COG2: variants seen among roughly 807,000 people sequenced by gnomAD.
COG2 encodes the protein component of oligomeric golgi complex 2, also known as conserved oligomeric Golgi complex subunit 2.
Under a neutral mutation model 90.6 loss-of-function variants are expected in COG2, and 52 were observed. The ratio of observed to expected loss-of-function variants is 0.57; its 90% confidence interval spans 0.46 to 0.72. COG2 has a LOEUF of 0.72. COG2 is among the 30% of genes least tolerant of loss of function. The pLI is 0.00. For missense variants in COG2, 829 were observed against 891.2 expected (o/e 0.93, Z 0.89); for synonymous variants, 337 against 320.4 (o/e 1.05, Z -0.55).
intron 8 of COG2, among the ~76,000 whole-genome samples, chr1:230,673,936 T>C (rs892290728): frequency 6.6e-6 from 1 of 152,246 alleles, no homozygotes; most frequent in Non-Finnish European, 1.5e-5. Context: ...ACCAGAATGT[T>C]AAGTCCCGTT....
chr1:230,648,066 A>G (rs1661833615), intron 1 of COG2, among the ~76,000 whole-genome samples: 2 of 152,232 alleles, frequency 1.3e-5, no homozygotes, highest in East Asian at 3.9e-4. Flanking sequence ...TAATCGTGTC[A>G]TGCTTTCCTT....
At chr1:230,671,743 T>A in intron 8 of COG2, 103 bp downstream of exon 8, 1 of 1,039,032 alleles carries the variant, frequency 9.6e-7, no homozygotes, top group Non-Finnish European at 1.4e-6. Flanking sequence ...TGAACTGTCT[T>A]GTATGAATCC....
rs563943494 is a variant in COG2, at chr1:230,691,641, C to T, written c.2115+77C>T. ...AGCCGGGCAGTTACTTGGTGGCTCGCGTGATCCCAGAGATGCTGTCGCAGT... is the reference window on the plus strand; with the variant it reads ...AGCCGGGCAGTTACTTGGTGGCTCGTGTGATCCCAGAGATGCTGTCGCAGT... On this transcript the variant is annotated intron_variant, in intron 17 of 17. Coordinates refer to ENST00000366669, the MANE Select transcript of COG2 (RefSeq NM_007357.3). 690 of 1,356,388 alleles carry T rather than the reference C, an allele frequency of 5.1e-4. 15 individuals carry two copies. The South Asian group carries it at 8.4e-3, about 16-fold the overall frequency. 84.0% of individuals were successfully genotyped at this position (1,356,388 alleles called of 1,614,324 possible).
intron 1 of COG2, among the ~76,000 whole-genome samples, chr1:230,658,984 C>T (rs565370404): frequency 1.9e-4 from 29 of 152,130 alleles, no homozygotes; most frequent in South Asian, 4.2e-4. Flanking sequence ...CATAGAAAAA[C>T]ATCTGGAAGG....
intron 1 of COG2, among the ~76,000 whole-genome samples, chr1:230,652,993 C>G (rs1273333244): frequency 6.6e-6 from 1 of 151,974 alleles, no homozygotes; most frequent in African/African-American, 2.4e-5. Context: ...TAGTTAACCC[C>G]CTCTTTTTAT....
intron 6 of COG2, 113 bp downstream of exon 6, chr1:230,668,897 T>G (rs1662382247): frequency 1.5e-6 from 1 of 678,368 alleles, no homozygotes; most frequent in Admixed American, 3.0e-5. Flanking sequence ...CCTTGCATTT[T>G]TTTTCAATTT....
intron 11 of COG2, 100 bp downstream of exon 11, chr1:230,683,735 T>TG (rs1662813199): frequency 2.6e-6 from 2 of 784,064 alleles, no homozygotes; most frequent in East Asian, 2.6e-5. Context: ...CTTTTACTGT[T>TG]TTTTTTTTTT....
Position 230,683,629 on chromosome 1 carries a change from G to A in COG2, c.1222G>A (p.Ala408Thr), listed in dbSNP as rs1386921400. ...AGCACTTACAGATGTCCTGGAAGAT[G>A]CCCCAGGTAACTCCCTTAAAGTGAT... ...EAALTDVLED[A>T]PAESPYCLLA... Residue 408 changes from alanine to threonine, a missense_variant, in exon 11 of 18, where the codon GCC (alanine) becomes ACC (threonine). Coordinates refer to ENST00000366669, the MANE Select transcript of COG2 (RefSeq NM_007357.3). The A allele has an allele frequency of 1.1e-5, 17 of 1,608,372 alleles. No individual in the cohort carries two copies. The highest frequency in any genetic ancestry group is 1.4e-5 in the Non-Finnish European group (16 of 1,175,146).
intron 9 of COG2, among the ~76,000 whole-genome samples, chr1:230,676,273 CT>C (rs1558276065): frequency 6.6e-6 from 1 of 152,052 alleles, no homozygotes; most frequent in Non-Finnish European, 1.5e-5. Flanking sequence ...TTCTTCCTCC[CT>C]TCTTTTTTCA....
At position 230,669,369 on chromosome 1, in the gene COG2, T is replaced by G; in HGVS notation, c.608T>G (p.Ile203Ser). The change falls in exon 7 of 18, where the codon ATT becomes AGT. Residue 203 changes from isoleucine to serine, a missense_variant. Transcript: ENST00000366669. ...LDKVRPRIAG[I>S]TAMLQQSLEG... ...CTTTTCTTGCAGCGTATAGCTGGCATTACAGCCATGTTACAGCAGTCACTG... is the reference window on the plus strand; with the variant it reads ...CTTTTCTTGCAGCGTATAGCTGGCAGTACAGCCATGTTACAGCAGTCACTG... The G allele has an allele frequency of 1.2e-6, 2 of 1,612,978 alleles. No homozygotes were observed. Among genetic ancestry groups the G allele is most frequent in the Non-Finnish European group, 1.7e-6 (2 of 1,179,160 alleles).
At chr1:230,654,230 G>A (rs1289394543) in intron 1 of COG2, among the ~76,000 whole-genome samples, 3 of 152,188 alleles carry the variant, frequency 2.0e-5, no homozygotes, top group Non-Finnish European at 1.5e-5. Context: ...TTTTCTTATA[G>A]GATTTTTATG....
At chr1:230,663,625 G>A (rs959891724) in intron 4 of COG2, among the ~76,000 whole-genome samples, 1 of 152,146 alleles carries the variant, frequency 6.6e-6, no homozygotes, top group Admixed American at 6.5e-5. Context: ...TCCCCAATGT[G>A]TAGAAGAATG....
chr1:230,688,171 C>G (rs769416085), intron 14 of COG2, 28 bp downstream of exon 14: 6 of 1,449,756 alleles, frequency 4.1e-6, no homozygotes, highest in Non-Finnish European at 5.7e-6. Flanking sequence ...CTAAGCAAAT[C>G]TTTGAATAAG....
chr1:230,666,452 A>G (rs1662325765), intron 5 of COG2, among the ~76,000 whole-genome samples: 1 of 151,604 alleles, frequency 6.6e-6, no homozygotes, highest in Non-Finnish European at 1.5e-5. Flanking sequence ...CTGACCTCTC[A>G]TTTTCTCTAG....
intron 13 of COG2, 45 bp downstream of exon 13, chr1:230,687,177 T>A (rs1297286011): frequency 6.5e-7 from 1 of 1,546,388 alleles, no homozygotes; most frequent in Non-Finnish European, 8.8e-7. Flanking sequence ...GGTTTAATGT[T>A]TTCACAGAAG....
At chr1:230,651,233 C>T (rs987129913) in intron 1 of COG2, among the ~76,000 whole-genome samples, 3 of 151,800 alleles carry the variant, frequency 2.0e-5, no homozygotes, top group Non-Finnish European at 2.9e-5. Context: ...CTGCAGTAGC[C>T]GATGATTTGA....
At chr1:230,642,710 C>T (rs1252984513) in intron 1 of COG2, 32 bp downstream of exon 1, 2 of 1,600,040 alleles carry the variant, frequency 1.2e-6, no homozygotes, top group Admixed American at 3.4e-5. Flanking sequence ...CGGAGCCGGG[C>T]CATGAGGGTG....
intron 8 of COG2, among the ~76,000 whole-genome samples, chr1:230,673,497 C>T (rs888998446): frequency 1.1e-4 from 16 of 152,214 alleles, no homozygotes; most frequent in Admixed American, 9.8e-4. Context: ...CTTTTCTAAT[C>T]CATCAACTGT....
At position 230,693,638 on chromosome 1, in the gene COG2, C is replaced by T. The variant is rs1033094649; in HGVS notation, c.*245C>T. ...TTTTTAAGACATTTGAAACTTTCTA[C>T]TATAGTTTACAGAACAAATTATTTT... On this transcript the variant is annotated 3_prime_UTR_variant, in exon 18 of 18. Coordinates refer to ENST00000366669, the MANE Select transcript of COG2 (RefSeq NM_007357.3). The T allele has an allele frequency of 3.0e-6, 1 of 338,326 alleles. No homozygotes were observed. Among genetic ancestry groups the T allele is most frequent in the Non-Finnish European group, 5.3e-6 (1 of 188,624 alleles). 21.0% of individuals were successfully genotyped at this position (338,326 alleles called of 1,614,324 possible).
Sources: gnomAD v4.1 joint callset for allele counts (sites outside exome capture counted in the v4.1 genomes callset) on GRCh38, gnomAD v4.1.1 for gene constraint, MANE v1.5 for transcripts, NCBI Gene and HGNC (gene_info 2026-07-23, HGNC 2026-07-21) for gene names.